Variants in ZNF292 observed in about 807,000 individuals in gnomAD.
ZNF292 encodes the protein 16 zinc-finger domain protein.
Under a neutral mutation model 217.9 loss-of-function variants are expected in ZNF292, and 26 were observed. That is an observed-to-expected ratio of 0.12 (90% CI 0.09 to 0.17). ZNF292 has a LOEUF of 0.17. Ranked by LOEUF, ZNF292 falls within the 10% of genes least tolerant of loss-of-function variation. ZNF292 has a pLI of 1.00. For synonymous variants in ZNF292, 1,257 were observed against 1,124.1 expected (o/e 1.12, Z -2.37); for missense variants, 2,904 against 3,175.2 (o/e 0.91, Z 2.05).
chr6:87,163,179 C>T (rs200879754), intron 1 of ZNF292, among the ~76,000 whole-genome samples: 4 of 152,000 alleles, frequency 2.6e-5, no homozygotes, highest in South Asian at 2.1e-4. Context: ...GGGCTGGGCG[C>T]GGTGGCTCAC....
chr6:87,248,694 G>A (rs1165314231), intron 7 of ZNF292, among the ~76,000 whole-genome samples: 1 of 152,218 alleles, frequency 6.6e-6, no homozygotes, highest in Non-Finnish European at 1.5e-5. Context: ...ACAGAGTAGA[G>A]TAGAAAGAAC....
intron 5 of ZNF292, among the ~76,000 whole-genome samples, chr6:87,242,359 G>A (rs185302741): frequency 6.6e-6 from 1 of 152,048 alleles, no homozygotes; most frequent in East Asian, 1.9e-4. Flanking sequence ...TTTCTAAGAA[G>A]GCCCAATTTA....
chr6:87,195,597 G>A (rs1234343427), intron 1 of ZNF292, among the ~76,000 whole-genome samples: 3 of 152,020 alleles, frequency 2.0e-5, no homozygotes, highest in African/African-American at 4.8e-5. Flanking sequence ...TCCTGTGACC[G>A]TTAAAATTTT....
At chr6:87,187,138 T>G (rs1229530778) in intron 1 of ZNF292, among the ~76,000 whole-genome samples, 1 of 152,166 alleles carries the variant, frequency 6.6e-6, no homozygotes, top group Non-Finnish European at 1.5e-5. Context: ...ATCCAAAGTT[T>G]TAGAAAAAAG....
Position 87,261,653 on chromosome 6 carries a change from A to C in ZNF292, c.8024A>C (p.Lys2675Thr), listed in dbSNP as rs769138506. ...NVKIVLDKNL[K>T]DCTELVLKQL... Reference sequence around the variant, plus strand: ...AAAATTGTTTTAGACAAGAATCTTAAAGATTGCACTGAGCTTGTCTTAAAG... The same window carrying C: ...AAAATTGTTTTAGACAAGAATCTTACAGATTGCACTGAGCTTGTCTTAAAG... The change falls in exon 8 of 8, where the codon AAA becomes ACA. Residue 2675 changes from lysine (K) to threonine (T), a missense_variant. Coordinates refer to ENST00000369577, the MANE Select transcript of ZNF292 (RefSeq NM_015021.3). 2.5e-6 allele frequency: 4 copies of C among 1,612,482 alleles called. No individual in the cohort carries two copies. Among genetic ancestry groups the C allele is most frequent in the Non-Finnish European group, 3.4e-6 (4 of 1,179,134 alleles).
chr6:87,232,793 T>G (rs986224942), intron 4 of ZNF292, among the ~76,000 whole-genome samples: 1 of 152,140 alleles, frequency 6.6e-6, no homozygotes, highest in Non-Finnish European at 1.5e-5. Flanking sequence ...TGTAGATATT[T>G]TGATTCATTA....
intron 7 of ZNF292, among the ~76,000 whole-genome samples, chr6:87,247,790 A>G (rs1276457313): frequency 6.6e-6 from 1 of 152,236 alleles, no homozygotes; most frequent in Non-Finnish European, 1.5e-5. Context: ...TCTAGGAAGT[A>G]TATGTATTTA....
chr6:87,204,673 C>T (rs1045523026), intron 1 of ZNF292, among the ~76,000 whole-genome samples: 1 of 146,622 alleles, frequency 6.8e-6, no homozygotes, highest in African/African-American at 2.6e-5. Flanking sequence ...AAGCGATTCT[C>T]CTGCCTCAGC....
chr6:87,160,408 T>A (rs1383194095), intron 1 of ZNF292, among the ~76,000 whole-genome samples: 1 of 152,142 alleles, frequency 6.6e-6, no homozygotes, highest in Admixed American at 6.6e-5. Context: ...TCAGTAGTGA[T>A]CTGGTGGCTG....
At chr6:87,161,534 T>TG (rs1368140493) in intron 1 of ZNF292, among the ~76,000 whole-genome samples, 2 of 152,332 alleles carry the variant, frequency 1.3e-5, no homozygotes, top group East Asian at 3.9e-4. Flanking sequence ...GCGATCCTCT[T>TG]GCCTCAGCCT....
At chr6:87,229,497 G>T (rs1773539705) in intron 4 of ZNF292, among the ~76,000 whole-genome samples, 1 of 152,158 alleles carries the variant, frequency 6.6e-6, no homozygotes, top group Non-Finnish European at 1.5e-5. Context: ...CGCAATCTCG[G>T]CTAACTGCAA....
intron 1 of ZNF292, among the ~76,000 whole-genome samples, chr6:87,187,133 A>G (rs1582395894): frequency 6.6e-6 from 1 of 152,150 alleles, no homozygotes; most frequent in African/African-American, 2.4e-5. Flanking sequence ...CAGTAATCCA[A>G]AGTTTTAGAA....
intron 1 of ZNF292, among the ~76,000 whole-genome samples, chr6:87,161,270 T>G (rs1770745576): frequency 6.6e-6 from 1 of 152,170 alleles, no homozygotes; most frequent in African/African-American, 2.4e-5. Context: ...AGAAAGCATT[T>G]ATATGCAAGG....
rs185789873 is a variant in ZNF292, at chr6:87,198,095, A to T, written c.169-17808A>T. Among the ~76,000 whole-genome samples, 5 of 152,340 alleles carry T rather than the reference A, an allele frequency of 3.3e-5. No homozygotes were observed. In the East Asian group the frequency reaches 7.7e-4, roughly 23 times the overall value. ...ATTTGATAAGTTGGAGAGAAAATTC[A>T]GATAGCTAGAGATCTGTGTAACAGA... On this transcript the variant is annotated intron_variant, in intron 1 of 7. Transcript: ENST00000369577.
At chr6:87,217,522 G>T (rs1772848795) in intron 3 of ZNF292, among the ~76,000 whole-genome samples, 1 of 151,820 alleles carries the variant, frequency 6.6e-6, no homozygotes. Flanking sequence ...ACTTCCTATT[G>T]CTTGCCATTC....
At chr6:87,232,835 G>A (rs1467601547) in intron 4 of ZNF292, among the ~76,000 whole-genome samples, 1 of 151,860 alleles carries the variant, frequency 6.6e-6, no homozygotes, top group Admixed American at 6.6e-5. Context: ...TCAGATTTCA[G>A]CTTTGTAAAA....
chr6:87,226,578 A>G (rs75115497), intron 4 of ZNF292, among the ~76,000 whole-genome samples: 1 of 147,990 alleles, frequency 6.8e-6, no homozygotes, highest in African/African-American at 2.5e-5. Flanking sequence ...TTTTAAACGC[A>G]CTCTTTGGTT....
Position 87,257,116 on chromosome 6 carries a change from A to C in ZNF292, c.3487A>C (p.Ser1163Arg). 1 of 1,613,906 alleles carries C rather than the reference A, an allele frequency of 6.2e-7. No homozygotes were observed. The highest frequency in any genetic ancestry group is 8.5e-7 in the Non-Finnish European group (1 of 1,179,846). The part of the protein sequence containing the change: ...FVYFLPSPVN[S>R]SNPFFTSQTK... ...TTATTTTTTGCCATCACCGGTGAAC[A>C]GCTCAAATCCATTTTTTACATCACA... Residue 1163 changes from serine (S) to arginine (R), a missense_variant, in exon 8 of 8, where the codon AGC becomes CGC. Ser to Arg is a moderately radical substitution (Grantham distance 110, BLOSUM62 -1). This residue lies in a region of ZNF292 where 687 missense variants were observed against 623.0 expected (regional missense o/e 1.10). Transcript: ENST00000369577.
chr6:87,262,807 G>C lies in ZNF292; in HGVS notation c.*1006G>C, dbSNP rs57323245. ...TGTTTTCCATTTTCTGAGATTTATA[G>C]ATTGGTGTATAGCTTTAAACTGTAT... On this transcript the variant is annotated 3_prime_UTR_variant, in exon 8 of 8. Coordinates refer to ENST00000369577, the MANE Select transcript of ZNF292 (RefSeq NM_015021.3). The C allele has an allele frequency of 6.6e-6, 1 of 151,862 alleles. No individual in the cohort carries two copies. Among genetic ancestry groups the C allele is most frequent in the Admixed American group, 6.6e-5 (1 of 15,246 alleles). The allele number at this position is 151,862 out of a possible 1,614,324, so 9.4% of individuals were successfully genotyped here.
Sources: gnomAD v4.1 joint callset for allele counts (sites outside exome capture counted in the v4.1 genomes callset) on GRCh38, gnomAD v4.1.1 for gene constraint, gnomAD v4.1.1 regional missense constraint, MANE v1.5 for transcripts, NCBI Gene and HGNC (gene_info 2026-07-23, HGNC 2026-07-21) for gene names.